The following RTN4 variants were observed in gnomAD, a reference collection of about 807,000 sequenced individuals.
The protein encoded by RTN4 is reticulon-4.
In RTN4, 32 loss-of-function variants were observed where a neutral mutation model predicts 90.4. The observed-to-expected ratio is 0.35, with a 90% CI of 0.27 to 0.48. RTN4 has a LOEUF of 0.48. RTN4 is among the 20% of genes least tolerant of loss of function. The pLI, the probability that RTN4 is intolerant of heterozygous loss-of-function variation, is 0.99. For missense variants in RTN4, 1,706 were observed against 1,430.2 expected (o/e 1.19, Z -3.11); for synonymous variants, 629 against 552.5 (o/e 1.14, Z -1.94).
intron 1 of RTN4, among the ~76,000 whole-genome samples, chr2:55,091,668 A>G (rs1168406213): frequency 6.6e-6 from 1 of 152,140 alleles, no homozygotes; most frequent in Non-Finnish European, 1.5e-5. Flanking sequence ...TCTCTCCAAA[A>G]AGAAAACTTT....
At chr2:55,133,831 T>A in the RTN4 span, among the ~76,000 whole-genome samples, 3 of 152,118 alleles carry the variant, frequency 2.0e-5, no homozygotes, top group African/African-American at 7.2e-5. Context: ...GCCCAGGAAG[T>A]CATGTGGGTT....
Position 55,108,497 on chromosome 2 carries a change from C to A in RTN4, c.-214+4023G>T, listed in dbSNP as rs552888828. Among the ~76,000 whole-genome samples, 11 of 152,056 alleles carry A rather than the reference C, an allele frequency of 7.2e-5. No homozygotes were observed. The South Asian group carries it at 2.3e-3, about 32-fold the overall frequency. Reference sequence around the variant, plus strand: ...TTGAGAACTGAGGGTTTAGTAGGTTCAGAATCCCTTGCTAGCCATACTGAA... The same window carrying A: ...TTGAGAACTGAGGGTTTAGTAGGTTAAGAATCCCTTGCTAGCCATACTGAA... On this transcript the variant is annotated intron_variant, in intron 1 of 3. Coordinates refer to the RTN4 transcript ENST00000427710.
upstream of RTN4, among the ~76,000 whole-genome samples, chr2:55,117,614 G>A (rs920785821): frequency 6.6e-6 from 1 of 152,168 alleles, no homozygotes. Context: ...TCTGGAAAGG[G>A]CAACAATTGC....
intron 3 of RTN4, among the ~76,000 whole-genome samples, chr2:55,008,669 C>T (rs1289864035): frequency 1.3e-5 from 2 of 152,076 alleles, no homozygotes; most frequent in Non-Finnish European, 2.9e-5. Flanking sequence ...TACATTGGAA[C>T]TTAATTTCTC....
intron 1 of RTN4, among the ~76,000 whole-genome samples, chr2:55,041,544 G>T (rs535956213): frequency 6.6e-6 from 1 of 151,904 alleles, no homozygotes; most frequent in Non-Finnish European, 1.5e-5. Flanking sequence ...AAAAGCAGAG[G>T]AAATATTTCA....
At chr2:55,050,948 G>C (rs1286834276), upstream of RTN4, 1 of 152,218 alleles carries the variant, frequency 6.6e-6, no homozygotes, top group Non-Finnish European at 1.5e-5. The surrounding 1 kb of genome is among the most constrained non-coding windows in gnomAD (Gnocchi z 4.6). Flanking sequence ...TTCCTCCCGG[G>C]AAAGGAAGAA....
intron 3 of RTN4, among the ~76,000 whole-genome samples, chr2:54,999,229 T>G (rs1416873817): frequency 6.6e-6 from 1 of 152,222 alleles, no homozygotes; most frequent in Non-Finnish European, 1.5e-5. Context: ...AATAACTCAG[T>G]ACACTTAAAT....
chr2:55,118,701 T>C, the RTN4 span, among the ~76,000 whole-genome samples: 1 of 152,134 alleles, frequency 6.6e-6, no homozygotes, highest in Non-Finnish European at 1.5e-5. Flanking sequence ...TCTGAAGCCA[T>C]GCAACCAGCC....
Position 54,973,955 on chromosome 2 carries a change from A to G in RTN4, c.3431-88T>C, listed in dbSNP as rs184986339. 1.1e-3 allele frequency: 1,266 copies of G among 1,142,384 alleles called. 5 individuals are homozygous for G. The highest frequency in any genetic ancestry group is 1.1e-3 in the Non-Finnish European group (850 of 781,208). 70.8% of individuals were successfully genotyped at this position (1,142,384 alleles called of 1,614,324 possible). A position where few individuals can be genotyped will look rare whatever the true frequency, so the allele number is the denominator to read the frequency against. On this transcript the variant is annotated intron_variant, in intron 6 of 8. Transcript: ENST00000337526. ...AAAAAACTATTAAACTGGCAACTCA[A>G]GATAACCAAGCAGTGTTCCTAATGA...
intron 2 of RTN4, among the ~76,000 whole-genome samples, chr2:55,076,791 C>T (rs1456288364): frequency 6.6e-6 from 1 of 152,090 alleles, no homozygotes; most frequent in East Asian, 1.9e-4. Context: ...TGGTTACCCC[C>T]ATGCTGTTCT....
chr2:55,111,926 C>T (rs1453540926), intron 1 of RTN4, among the ~76,000 whole-genome samples: 2 of 152,202 alleles, frequency 1.3e-5, no homozygotes, highest in Admixed American at 6.5e-5. Context: ...TGAAATCCGC[C>T]TCTGTGGGCA....
At chr2:54,985,435 C>T (rs1305868921) in intron 4 of RTN4, among the ~76,000 whole-genome samples, 1 of 152,138 alleles carries the variant, frequency 6.6e-6, no homozygotes, top group Non-Finnish European at 1.5e-5. Flanking sequence ...ACTAGTATTA[C>T]AGGCATGAGC....
At chr2:54,984,610 A>T (rs1678402314) in intron 4 of RTN4, among the ~76,000 whole-genome samples, 1 of 152,230 alleles carries the variant, frequency 6.6e-6, no homozygotes, top group African/African-American at 2.4e-5. Flanking sequence ...AGATATTTAC[A>T]CTAATTCAAC....
At chr2:55,123,476 T>C in the RTN4 span, among the ~76,000 whole-genome samples, 20 of 152,108 alleles carry the variant, frequency 1.3e-4, no homozygotes, top group African/African-American at 4.8e-4. Context: ...AATTAAAAAC[T>C]ATCAAAAATT....
chr2:55,042,275 A>G (rs1683129899), intron 1 of RTN4, among the ~76,000 whole-genome samples: 1 of 152,192 alleles, frequency 6.6e-6, no homozygotes, highest in African/African-American at 2.4e-5. Flanking sequence ...CAGTAATTCT[A>G]CTTGCACAGA....
At chr2:54,991,102 T>C (rs1678981688) in intron 3 of RTN4, among the ~76,000 whole-genome samples, 1 of 152,146 alleles carries the variant, frequency 6.6e-6, no homozygotes, top group Non-Finnish European at 1.5e-5. Context: ...ATTTTTCATA[T>C]GAACAAATGC....
chr2:55,072,387 G>C (rs1668531892), intron 2 of RTN4, among the ~76,000 whole-genome samples: 1 of 151,980 alleles, frequency 6.6e-6, no homozygotes, highest in Non-Finnish European at 1.5e-5. Flanking sequence ...CCACCACCAT[G>C]CCCAGCTGAT....
At chr2:55,078,757 G>C (rs1488048424) in intron 2 of RTN4, among the ~76,000 whole-genome samples, 1 of 152,192 alleles carries the variant, frequency 6.6e-6, no homozygotes, top group Non-Finnish European at 1.5e-5. Context: ...AATTGCTTCT[G>C]ATTGGGATCA....
chr2:55,133,201 ACT>A, the RTN4 span, among the ~76,000 whole-genome samples: 1 of 152,070 alleles, frequency 6.6e-6, no homozygotes, highest in Non-Finnish European at 1.5e-5. Context: ...GCAGACTGAG[ACT>A]CTGTCTCAAA....
Sources: allele counts gnomAD v4.1 joint callset (sites outside exome capture counted in the v4.1 genomes callset), GRCh38; gene constraint gnomAD v4.1.1; non-coding constraint Gnocchi (gnomAD v3.1); transcripts MANE v1.5; gene names NCBI Gene and HGNC (gene_info 2026-07-23, HGNC 2026-07-21).